TNPO3: variants seen among roughly 807,000 people sequenced by gnomAD.
The protein encoded by TNPO3 is transportin-3.
Under a neutral mutation model 122.8 loss-of-function variants are expected in TNPO3, and 65 were observed. The observed-to-expected ratio is 0.53, with a 90% confidence interval of 0.43 to 0.65. The LOEUF (loss-of-function observed/expected upper bound fraction) is 0.65, where lower values mean the gene tolerates loss of function less well. Ranked by LOEUF, TNPO3 falls within the 30% of genes least tolerant of loss-of-function variation. The pLI, the probability that TNPO3 is intolerant of heterozygous loss-of-function variation, is 0.00. For missense variants in TNPO3, 850 were observed against 1,136.7 expected, an observed-to-expected ratio of 0.75 and a Z score of 3.63; for synonymous variants, 372 against 411.2, an observed-to-expected ratio of 0.90 and a Z score of 1.15.
chr7:129,004,525 A>G (rs1369755129), intron 5 of TNPO3, among the ~76,000 whole-genome samples: 1 of 152,252 alleles, frequency 6.6e-6, no homozygotes, highest in Non-Finnish European at 1.5e-5. Flanking sequence ...ACTAATCTCA[A>G]AAACCCAAAT....
At chr7:129,001,599 T>C (rs34725944) in intron 5 of TNPO3, among the ~76,000 whole-genome samples, 13,726 of 152,192 alleles carry the variant, frequency 0.09, 855 homozygotes, top group South Asian at 0.15. Flanking sequence ...CCTTTGAAGA[T>C]AGTGATGGAT....
chr7:129,053,732 A>T (rs908333156), intron 1 of TNPO3, among the ~76,000 whole-genome samples: 1 of 152,216 alleles, frequency 6.6e-6, no homozygotes, highest in Non-Finnish European at 1.5e-5. Context: ...CAGCCTGTAA[A>T]AAAAGCCTCT....
rs750192462 is a variant in TNPO3, at chr7:128,986,834, C to G, written c.1585G>C (p.Val529Leu). The change falls in exon 12 of 23, where the codon GTC becomes CTC. Residue 529 changes from valine to leucine, a missense_variant. Physicochemically the swap from Val to Leu is conservative, Grantham distance 32 (BLOSUM62 1). Transcript: ENST00000265388. The stretch of plus-strand genomic sequence containing the variant: ...TGCTGAGCCATGTGATCTCGGCAGA[C>G]AGAGCAAATGTTATGAATGGCTTTG... ...AAKAIHNICS[V>L]CRDHMAQHFN... 11 of 1,613,958 alleles carry G rather than the reference C, an allele frequency of 6.8e-6. No homozygotes were observed. The highest frequency in any genetic ancestry group is 9.3e-6 in the Non-Finnish European group (11 of 1,180,022).
chr7:128,970,428 GCA>G (rs1413871066), intron 19 of TNPO3, 113 bp from the exon 20 acceptor site: 35 of 1,014,196 alleles, frequency 3.5e-5, no homozygotes, highest in South Asian at 4.8e-5. Context: ...GTGTGTGTGT[GCA>G]CGCGTGGCTG....
intron 4 of TNPO3, among the ~76,000 whole-genome samples, chr7:129,013,664 A>T (rs894941845): frequency 6.6e-6 from 1 of 152,186 alleles, no homozygotes; most frequent in African/African-American, 2.4e-5. Flanking sequence ...GATCTCTACA[A>T]TCCCATGTTT....
intron 14 of TNPO3, among the ~76,000 whole-genome samples, chr7:128,981,282 T>A (rs1799599324): frequency 6.6e-6 from 1 of 152,200 alleles, no homozygotes; most frequent in South Asian, 2.1e-4. Flanking sequence ...TACACAATGA[T>A]TACTATAACA....
chr7:128,985,538 G>A (rs1012183841), intron 12 of TNPO3, among the ~76,000 whole-genome samples: 2 of 152,206 alleles, frequency 1.3e-5, no homozygotes, highest in African/African-American at 4.8e-5. Context: ...CAAGGTTACA[G>A]TGAGCTATGA....
chr7:128,974,949 G>C lies in TNPO3; in HGVS notation c.2192C>G (p.Pro731Arg), dbSNP rs1798909708. 2 of 1,613,916 alleles carry C rather than the reference G, an allele frequency of 1.2e-6. No individual in the cohort carries two copies. Among genetic ancestry groups the C allele is most frequent in the Admixed American group, 1.7e-5 (1 of 60,000 alleles). The stretch of plus-strand genomic sequence containing the variant: ...CTGCTGTTCTAGGAGCTGAAAGGTG[G>C]GGATGCACAGTGCCTAAAACAAAAC... ...LLDMLQALCI[P>R]TFQLLEQQNG... is the part of the protein sequence containing the mutation. The change falls in exon 18 of 23, where the codon CCC becomes CGC. Residue 731 changes from proline (P) to arginine (R), a missense_variant. Pro to Arg is a moderately radical substitution (Grantham distance 103). Coordinates refer to ENST00000265388, the MANE Select transcript of TNPO3 (RefSeq NM_012470.4).
chr7:129,009,202 C>T (rs1317931980), intron 4 of TNPO3, among the ~76,000 whole-genome samples: 3 of 152,072 alleles, frequency 2.0e-5, no homozygotes, highest in Non-Finnish European at 4.4e-5. Flanking sequence ...ATGTTAGAAG[C>T]ACAGGTTCAG....
At chr7:129,053,432 T>C (rs1447676135) in intron 1 of TNPO3, among the ~76,000 whole-genome samples, 1 of 147,950 alleles carries the variant, frequency 6.8e-6, no homozygotes, top group Non-Finnish European at 1.5e-5. Flanking sequence ...GAGGAGGAGG[T>C]TGCAGTGAGC....
intron 18 of TNPO3, among the ~76,000 whole-genome samples, chr7:128,972,936 G>A (rs948637766): frequency 4.6e-5 from 7 of 152,080 alleles, no homozygotes; most frequent in African/African-American, 9.7e-5. Context: ...GGCTGTGTGT[G>A]TTAGGAGGGA....
upstream of TNPO3, chr7:129,055,986 G>A (rs1809420588): frequency 1.3e-6 from 1 of 799,100 alleles, no homozygotes; most frequent in Non-Finnish European, 2.2e-6. Flanking sequence ...TTTAGGCGCT[G>A]ACACTGACCT....
At chr7:128,982,352 C>G in intron 13 of TNPO3, 28 bp from the exon 14 acceptor site, 1 of 1,594,658 alleles carries the variant, frequency 6.3e-7, no homozygotes, top group East Asian at 2.2e-5. Flanking sequence ...CATTAACACC[C>G]AATTGTCACA....
chr7:129,028,525 C>T (rs1563107873), intron 1 of TNPO3, among the ~76,000 whole-genome samples: 2 of 152,142 alleles, frequency 1.3e-5, no homozygotes, highest in Non-Finnish European at 2.9e-5. Flanking sequence ...CAAAGATTAA[C>T]AAAATAGATA....
chr7:128,992,197 T>C, intron 9 of TNPO3, 107 bp from the exon 10 acceptor site: 2 of 574,606 alleles, frequency 3.5e-6, no homozygotes, highest in South Asian at 5.1e-5. Context: ...TGTTTCTAAA[T>C]CTAATTACCT....
At chr7:128,981,992 G>A (rs1799671998) in intron 14 of TNPO3, among the ~76,000 whole-genome samples, 1 of 152,100 alleles carries the variant, frequency 6.6e-6, no homozygotes, top group Non-Finnish European at 1.5e-5. Context: ...GGCCTCCCAG[G>A]TGCTGGGATT....
intron 21 of TNPO3, among the ~76,000 whole-genome samples, chr7:128,966,927 T>C (rs1438403102): frequency 2.0e-5 from 3 of 152,192 alleles, no homozygotes; most frequent in African/African-American, 7.2e-5. Flanking sequence ...TTTGCCTTAC[T>C]CAGGTACCTA....
intron 20 of TNPO3, among the ~76,000 whole-genome samples, chr7:128,968,347 C>T (rs2128989952): frequency 6.6e-6 from 1 of 152,258 alleles, no homozygotes; most frequent in South Asian, 2.1e-4. Context: ...TAAGAATTCT[C>T]TTTATGCCTT....
chr7:129,025,201 T>G (rs1304726792), intron 1 of TNPO3, among the ~76,000 whole-genome samples: 1 of 149,088 alleles, frequency 6.7e-6, no homozygotes, highest in Non-Finnish European at 1.5e-5. Flanking sequence ...ATACAAAAAA[T>G]TAGCCGGGCG....
Sources: allele counts gnomAD v4.1 joint callset (sites outside exome capture counted in the v4.1 genomes callset), GRCh38; gene constraint gnomAD v4.1.1; transcripts MANE v1.5; gene names NCBI Gene and HGNC (gene_info 2026-07-23, HGNC 2026-07-21).